Variants in PCNX1 observed in about 807,000 individuals in gnomAD.
PCNX1 encodes the protein pecanex 1.
A neutral mutation model predicts 242.2 loss-of-function variants in PCNX1; 78 were observed. That is an observed-to-expected ratio of 0.32 (90% CI 0.27 to 0.39). The LOEUF (loss-of-function observed/expected upper bound fraction) is 0.39, where lower values mean the gene tolerates loss of function less well. PCNX1 is among the 10% of genes least tolerant of loss of function. The pLI is 1.00. For missense variants in PCNX1, 2,581 were observed against 2,856.5 expected, an observed-to-expected ratio of 0.90 and a Z score of 2.20; for synonymous variants, 1,024 against 1,032.9, an observed-to-expected ratio of 0.99 and a Z score of 0.17.
intron 28 of PCNX1, among the ~76,000 whole-genome samples, chr14:71,077,853 ATGT>A (rs1350132903): frequency 1.3e-5 from 2 of 152,182 alleles, no homozygotes; most frequent in Non-Finnish European, 2.9e-5. Context: ...GGGAACAGTC[ATGT>A]TATTCTATAT....
At chr14:71,100,625 A>G (rs1269399946) in intron 30 of PCNX1, among the ~76,000 whole-genome samples, 1 of 152,076 alleles carries the variant, frequency 6.6e-6, no homozygotes, top group Non-Finnish European at 1.5e-5. Context: ...TTGTATCTGG[A>G]TGTCCACCTT....
chr14:71,102,842 G>A (rs572937223), intron 31 of PCNX1, among the ~76,000 whole-genome samples: 1 of 152,082 alleles, frequency 6.6e-6, no homozygotes, highest in South Asian at 2.1e-4. Flanking sequence ...GCACCATATT[G>A]CTAATATAAT....
In PCNX1 at chr14:71,034,023, T is replaced by G. The variant is rs1275384613; in HGVS notation, c.3761T>G (p.Leu1254Arg). ...SEVKDPLPEK[L>R]RNSVSERLQS... ...GTAAAAGATCCACTGCCTGAAAAAC[T>G]TAGAAATTCTGTTGTAAGTTTTAAC... is the stretch of plus-strand genomic sequence containing the variant. Residue 1254 changes from leucine (L) to arginine (R), a missense_variant, in exon 18 of 36, where the codon CTT becomes CGT. This residue lies in a region of PCNX1 where 432 missense variants were observed against 443.1 expected (regional missense o/e 0.97). Transcript: ENST00000304743. The G allele has an allele frequency of 3.2e-6, 5 of 1,570,722 alleles. No homozygotes were observed. Among genetic ancestry groups the G allele is most frequent in the African/African-American group, 1.4e-5 (1 of 73,666 alleles).
intron 6 of PCNX1, among the ~76,000 whole-genome samples, chr14:70,984,179 A>C (rs920592338): frequency 1.3e-5 from 2 of 150,834 alleles, no homozygotes; most frequent in African/African-American, 4.9e-5. Context: ...GCCTATTTTT[A>C]TTTTCGTGAT....
chr14:70,995,685 G>T, intron 7 of PCNX1, 56 bp from the exon 8 acceptor site: 1 of 1,452,424 alleles, frequency 6.9e-7, no homozygotes, highest in Non-Finnish European at 9.6e-7. Context: ...TTCATTCTAG[G>T]TATTGTTTTC....
intron 19 of PCNX1, among the ~76,000 whole-genome samples, chr14:71,040,235 A>G (rs553956494): frequency 2.4e-4 from 36 of 152,300 alleles, no homozygotes; most frequent in African/African-American, 8.7e-4. Context: ...GTATTGAAAG[A>G]TACTTCATTG....
chr14:70,985,377 C>T (rs960817340), intron 6 of PCNX1, among the ~76,000 whole-genome samples: 3 of 152,032 alleles, frequency 2.0e-5, no homozygotes, highest in African/African-American at 4.8e-5. Context: ...ACCACACCCG[C>T]TAATTTTTGT....
intron 1 of PCNX1, among the ~76,000 whole-genome samples, chr14:70,944,165 C>G (rs762102128): frequency 6.6e-6 from 1 of 152,110 alleles, no homozygotes; most frequent in Non-Finnish European, 1.5e-5. Context: ...GTCGTCCAGT[C>G]CACAGAATGG....
chr14:71,034,708 A>G (rs1044024085), intron 18 of PCNX1, among the ~76,000 whole-genome samples: 1 of 152,186 alleles, frequency 6.6e-6, no homozygotes, highest in Non-Finnish European at 1.5e-5. Flanking sequence ...GTAGATGTTG[A>G]ATTAGACACA....
rs78002724 is a variant in PCNX1, at chr14:71,041,697, C to T, written c.3868-3436C>T. Among the ~76,000 whole-genome samples, 499 of 151,872 alleles carry T rather than the reference C, an allele frequency of 3.3e-3. 4 individuals are homozygous for T. Among genetic ancestry groups the T allele is most frequent in the East Asian group, 0.025 (127 of 5,182 alleles). On this transcript the variant is annotated intron_variant, in intron 19 of 35. Transcript: ENST00000304743. ...TTCATTTTAATTTCGTTTATTTCTG[C>T]TCTTACCTTTCTTACTAGTTCCTTG...
At position 70,977,961 on chromosome 14, in the gene PCNX1, G is replaced by T; in HGVS notation, c.1624G>T (p.Val542Phe). The change falls in exon 6 of 36, where the codon GTT becomes TTT. Residue 542 changes from valine (V) to phenylalanine (F), a missense_variant. Physicochemically the swap from Val to Phe is conservative, Grantham distance 50 (BLOSUM62 -1). This residue lies in a region of PCNX1 where 1,204 missense variants were observed against 1,216.7 expected (regional missense o/e 0.99). Transcript: ENST00000304743. ...TGGTGGAAAGCAAAAGGAAGGGGAT[G>T]TTCGACCTAAATCTTCTAGCGTAAT... ...DVGGKQKEGD[V>F]RPKSSSVIHR... is the part of the protein sequence containing the mutation. 1 of 1,614,136 alleles carries T rather than the reference G, an allele frequency of 6.2e-7. No homozygotes were observed. The highest frequency in any genetic ancestry group is 8.5e-7 in the Non-Finnish European group (1 of 1,180,024).
chr14:70,910,811 C>T (rs2055867852), intron 1 of PCNX1, among the ~76,000 whole-genome samples: 1 of 152,162 alleles, frequency 6.6e-6, no homozygotes, highest in African/African-American at 2.4e-5. Context: ...ACATGTAGTA[C>T]TCCGATGAAT....
chr14:70,991,471 C>T (rs767276392), intron 7 of PCNX1, among the ~76,000 whole-genome samples: 5 of 151,960 alleles, frequency 3.3e-5, no homozygotes, highest in South Asian at 4.1e-4. Context: ...TTCAAAGTGC[C>T]GGGATTACAG....
At chr14:70,994,205 A>G (rs143957126) in intron 7 of PCNX1, among the ~76,000 whole-genome samples, 10 of 151,926 alleles carry the variant, frequency 6.6e-5, no homozygotes, top group African/African-American at 2.4e-4. Context: ...TATATGGTAG[A>G]CACTAACTAC....
At chr14:70,959,719 A>G (rs2058135646) in intron 2 of PCNX1, among the ~76,000 whole-genome samples, 1 of 150,384 alleles carries the variant, frequency 6.6e-6, no homozygotes, top group Non-Finnish European at 1.5e-5. Flanking sequence ...TAGCAGCATG[A>G]TTTATAGTCC....
intron 1 of PCNX1, among the ~76,000 whole-genome samples, chr14:70,922,693 A>G (rs767933940): frequency 4.0e-5 from 6 of 151,380 alleles, no homozygotes; most frequent in Non-Finnish European, 8.8e-5. Context: ...CATTTTTTGA[A>G]CCATTTTAGA....
chr14:71,019,942 G>A (rs1194976071), intron 12 of PCNX1, among the ~76,000 whole-genome samples: 3 of 133,882 alleles, frequency 2.2e-5, no homozygotes, highest in African/African-American at 5.7e-5. Flanking sequence ...CCTACCCTCC[G>A]CCCCCTGACG....
chr14:71,050,891 G>A (rs773521769), intron 23 of PCNX1, 131 bp downstream of exon 23: 54 of 841,318 alleles, frequency 6.4e-5, no homozygotes, highest in Admixed American at 1.4e-4. Context: ...AATCTTGGCC[G>A]GGTGCAGTGG....
chr14:70,999,419 T>G (rs983474568), intron 8 of PCNX1, among the ~76,000 whole-genome samples: 1 of 152,184 alleles, frequency 6.6e-6, no homozygotes, highest in Non-Finnish European at 1.5e-5. Flanking sequence ...TGTCTTTATG[T>G]GAAAAATTTA....
Sources: gnomAD v4.1 joint callset for allele counts (sites outside exome capture counted in the v4.1 genomes callset) on GRCh38, gnomAD v4.1.1 for gene constraint, gnomAD v4.1.1 regional missense constraint, MANE v1.5 for transcripts, NCBI Gene and HGNC (gene_info 2026-07-23, HGNC 2026-07-21) for gene names.